The following C4orf54 variants were observed in gnomAD, a reference collection of about 807,000 sequenced individuals.
C4orf54 encodes chromosome 4 open reading frame 54.
In C4orf54, 67 loss-of-function variants were observed where a neutral mutation model predicts 80.1. The ratio of observed to expected loss-of-function variants is 0.84; its 90% CI spans 0.69 to 1.03. The LOEUF (loss-of-function observed/expected upper bound fraction) is 1.03, where lower values mean the gene tolerates loss of function less well. C4orf54 is among the 50% of genes least tolerant of loss of function. The probability of loss-of-function intolerance (pLI) is 0.00; values close to 1 mark genes in which losing one functional copy is unlikely to be tolerated. For synonymous variants in C4orf54, 1,000 were observed against 917.0 expected, an observed-to-expected ratio of 1.09 and a Z score of -1.64; for missense variants, 2,434 against 2,253.5, an observed-to-expected ratio of 1.08 and a Z score of -1.62.
At chr4:99,643,389 G>C (rs1352382660) in intron 2 of C4orf54, among the ~76,000 whole-genome samples, 1 of 152,042 alleles carries the variant, frequency 6.6e-6, no homozygotes, top group Non-Finnish European at 1.5e-5. Flanking sequence ...TCTGAGTTGG[G>C]GTTGCCTGAC....
chr4:99,651,845 A>G lies in C4orf54; in HGVS notation c.2804T>C (p.Ile935Thr). 1 of 1,536,092 alleles carries G rather than the reference A, an allele frequency of 6.5e-7. No individual in the cohort carries two copies. The highest frequency in any genetic ancestry group is 1.2e-5 in the South Asian group (1 of 84,062). ...KKSASETVKG[I>T]FLRSQNSAFR... is the part of the protein sequence containing the mutation. ...CGCACTGTTCTGACTACGGAGGAAG[A>G]TGCCCTTGACGGTCTCTGAGGCACT... The change falls in exon 2 of 3, where the codon ATC becomes ACC. Residue 935 changes from isoleucine to threonine, a missense_variant. Ile to Thr is a moderately conservative substitution (Grantham distance 89). Coordinates refer to ENST00000511828, the MANE Select transcript of C4orf54 (RefSeq NM_001354435.2).
intron 2 of C4orf54, among the ~76,000 whole-genome samples, chr4:99,643,120 G>T (rs1471769234): frequency 6.6e-6 from 1 of 152,160 alleles, no homozygotes; most frequent in South Asian, 2.1e-4. Flanking sequence ...CTGGTGAGGG[G>T]CCCTGAGAAG....
At position 99,651,016 on chromosome 4, in the gene C4orf54, G is replaced by C. The variant is rs763827970; in HGVS notation, c.3633C>G (p.Pro1211=). ...LPVATIAPNK[P]EQGSYLPVLK... is the part of the protein sequence containing the mutation. ...GCACAGGCAGGTATGAGCCCTGCTC[G>C]GGCTTATTGGGGGCAATGGTAGCCA... Residue 1211 remains proline (P), a synonymous_variant, in exon 2 of 3, where the codon CCC becomes CCG. Transcript: ENST00000511828. 9 of 1,536,056 alleles carry C rather than the reference G, an allele frequency of 5.9e-6. No individual in the cohort carries two copies. Among genetic ancestry groups the C allele is most frequent in the African/African-American group, 1.4e-5 (1 of 73,152 alleles).
chr4:99,654,507 C>T lies in C4orf54; in HGVS notation c.142G>A (p.Ala48Thr). 1.4e-6 allele frequency: 1 copy of T among 703,724 alleles called. No individual in the cohort carries two copies. The highest frequency in any genetic ancestry group is 2.6e-6 in the Non-Finnish European group (1 of 385,614). The allele number at this position is 703,724 out of a possible 1,614,324, so 43.6% of individuals were successfully genotyped here. ...GCTGCTGCTCCGGCCGAGACTGTGG[C>T]CAGTGTTCTGTAGCTGAGCTGTCCT... ...WTGQLSYRTL[A>T]TVSAGAAAPQ... Residue 48 changes from alanine to threonine, a missense_variant, in exon 2 of 3, where the codon GCC becomes ACC. By Grantham distance (58) the Ala-to-Thr change is moderately conservative. Transcript: ENST00000511828.
chr4:99,651,871 CTT>C lies in C4orf54; in HGVS notation c.2776_2777del (p.Lys926GlufsTer13), dbSNP rs1372518862. On this transcript the variant is annotated frameshift_variant, in exon 2 of 3. Transcript: ENST00000511828. LOFTEE classifies it high-confidence loss of function. ...TGCCCTTGACGGTCTCTGAGGCACT[CTT>C]TTTAATTTCACACACTTCTGTGTGT... Reference protein sequence around the residue: ...DGHTEVCEIKKSASETVKGIF... With the variant: ...DGHTEVCEIKXSASETVKGIF... 5 of 1,535,996 alleles carry C rather than the reference CTT, an allele frequency of 3.3e-6. No homozygotes were observed. The East Asian group carries it at 7.3e-5, about 23-fold the overall frequency.
chr4:99,649,246 C>T lies in C4orf54; in HGVS notation c.*21G>A, dbSNP rs80025411. On this transcript the variant is annotated 3_prime_UTR_variant, in exon 2 of 3. Transcript: ENST00000511828. ...ATTCACTTACCAGCAGTTTTTCATT[C>T]CGCTTCCTGGTGGCTGCTCATCATC... 73,009 of 1,474,736 alleles carry T rather than the reference C, an allele frequency of 0.05. 2,022 individuals are homozygous for T. Among genetic ancestry groups the T allele is most frequent in the Non-Finnish European group, 0.056 (62,141 of 1,116,210 alleles). 91.4% of individuals were successfully genotyped at this position (1,474,736 alleles called of 1,614,324 possible).
rs1324144198 is a variant in C4orf54, at chr4:99,639,961, A to T, written c.*1272T>A. On this transcript the variant is annotated 3_prime_UTR_variant, in exon 3 of 3. Transcript: ENST00000511828. ...AATAAAAGGAGATTCTTAAAAAAAA[A>T]TCCTGGGAAAACCTTCAAATTATTC... 6.6e-6 allele frequency: 1 copy of T among 151,930 alleles called. No homozygotes were observed. The highest frequency in any genetic ancestry group is 1.9e-4 in the East Asian group (1 of 5,200). The allele number at this position is 151,930 out of a possible 1,614,324, so 9.4% of individuals were successfully genotyped here. A position where few individuals can be genotyped will look rare whatever the true frequency, so the allele number is the denominator to read the frequency against.
chr4:99,656,080 G>A (rs542065033), intron 1 of C4orf54, among the ~76,000 whole-genome samples: 2 of 152,134 alleles, frequency 1.3e-5, no homozygotes, highest in Non-Finnish European at 2.9e-5. Flanking sequence ...GCCATTAAAA[G>A]TATGACTTAA....
At position 99,653,733 on chromosome 4, in the gene C4orf54, C is replaced by T. The variant is rs186499567; in HGVS notation, c.916G>A (p.Glu306Lys). 5.9e-6 allele frequency: 9 copies of T among 1,535,216 alleles called. No individual in the cohort carries two copies. The highest frequency in any genetic ancestry group is 3.3e-4 in the Middle Eastern group (2 of 5,990). The change falls in exon 2 of 3, where the codon GAG (glutamate) becomes AAG (lysine). Residue 306 changes from glutamate (E) to lysine (K), a missense_variant. Physicochemically the swap from Glu to Lys is moderately conservative, Grantham distance 56 (BLOSUM62 1). Coordinates refer to ENST00000511828, the MANE Select transcript of C4orf54 (RefSeq NM_001354435.2). ...LATSSSSLGF[E>K]SESGESEGCQ... Reference sequence around the variant, plus strand: ...CCTTCACTTTCACCACTCTCACTCTCGAAGCCTAAGGATGAAGAGGAGGTG... The same window carrying T: ...CCTTCACTTTCACCACTCTCACTCTTGAAGCCTAAGGATGAAGAGGAGGTG...
Position 99,652,688 on chromosome 4 carries a change from G to A in C4orf54, c.1961C>T (p.Ser654Phe), listed in dbSNP as rs1332583243. ...ISSRESSTTLSEVGFGRWSTF... is the reference protein window; with the variant it reads ...ISSRESSTTLFEVGFGRWSTF... ...TGACCAGCGCCCAAAGCCCACTTCG[G>A]AGAGCGTGGTGGAGGACTCCCGGGA... is the stretch of plus-strand genomic sequence containing the variant. The change falls in exon 2 of 3, where the codon TCC becomes TTC. Residue 654 changes from serine to phenylalanine, a missense_variant. Transcript: ENST00000511828. The A allele has an allele frequency of 3.9e-6, 6 of 1,536,108 alleles. No homozygotes were observed. The highest frequency in any genetic ancestry group is 5.2e-6 in the Non-Finnish European group (6 of 1,146,906).
Position 99,649,426 on chromosome 4 carries a change from T to C in C4orf54, c.5223A>G (p.Ser1741=). 6.5e-7 allele frequency: 1 copy of C among 1,536,020 alleles called. No homozygotes were observed. Among genetic ancestry groups the C allele is most frequent in the Non-Finnish European group, 8.7e-7 (1 of 1,146,882 alleles). ...GGAGCTGGGATGTGGCTGCTGGGGC[T>C]GAGGAGGTTGAGGAGGCCGGAGACT... ...SGQSPASSTS[S]APAATSQLLG... is the part of the protein sequence containing the mutation. The change falls in exon 2 of 3, where the codon TCA becomes TCG. Residue 1741 remains serine, a synonymous_variant. Coordinates refer to ENST00000511828, the MANE Select transcript of C4orf54 (RefSeq NM_001354435.2).
rs772857804 is a variant in C4orf54, at chr4:99,651,483, C to T, written c.3166G>A (p.Gly1056Ser). Reference protein sequence around the residue: ...AKLLTPKLAGGSASNLFKTIE... With the variant: ...AKLLTPKLAGSSASNLFKTIE... ...GTCTTGAACAGGTTAGAGGCGCTGC[C>T]ACCGGCCAGCTTGGGCGTGAGCAAC... The change falls in exon 2 of 3, where the codon GGC becomes AGC. Residue 1056 changes from glycine to serine, a missense_variant. Gly to Ser is a moderately conservative substitution (Grantham distance 56, BLOSUM62 0). Transcript: ENST00000511828. The T allele has an allele frequency of 6.4e-5, 98 of 1,536,116 alleles. No homozygotes were observed. Among genetic ancestry groups the T allele is most frequent in the Middle Eastern group, 5.0e-4 (3 of 6,012 alleles).
At chr4:99,655,730 C>T (rs748090006) in intron 1 of C4orf54, among the ~76,000 whole-genome samples, 17 of 152,186 alleles carry the variant, frequency 1.1e-4, no homozygotes, top group Non-Finnish European at 2.5e-4. Flanking sequence ...TGGGTACTAT[C>T]GGTGGAGAAC....
rs374840223 is a variant in C4orf54, at chr4:99,637,104, G to C, written c.*4129C>G. The stretch of plus-strand genomic sequence containing the variant: ...AAAAGCATCACCTGCTATGGATACA[G>C]GTATGGTAGATTATTCAGGGAGCCC... On this transcript the variant is annotated 3_prime_UTR_variant, in exon 3 of 3. Coordinates refer to ENST00000511828, the MANE Select transcript of C4orf54 (RefSeq NM_001354435.2). 7.0e-4 allele frequency: 106 copies of C among 152,166 alleles called. No individual in the cohort carries two copies. The highest frequency in any genetic ancestry group is 2.3e-3 in the African/African-American group (96 of 41,520). The allele number at this position is 152,166 out of a possible 1,614,324, so 9.4% of individuals were successfully genotyped here. A position where few individuals can be genotyped will look rare whatever the true frequency, so the allele number is the denominator to read the frequency against.
At position 99,657,478 on chromosome 4, in the gene C4orf54, C is replaced by T. The variant is rs949531632; in HGVS notation, c.-32+17G>A. Among the ~76,000 whole-genome samples, 2 of 152,340 alleles carry T rather than the reference C, an allele frequency of 1.3e-5. No homozygotes were observed. Among genetic ancestry groups the T allele is most frequent in the African/African-American group, 4.8e-5 (2 of 41,586 alleles). ...CAAGAGGCAAAGAGAGAGCATCATT[C>T]TGACAGTAGTACTTACCTCCAAAGT... On this transcript the variant is annotated intron_variant, in intron 1 of 2. Transcript: ENST00000511828.
At chr4:99,648,245 G>A (rs765190734) in intron 2 of C4orf54, among the ~76,000 whole-genome samples, 6 of 151,910 alleles carry the variant, frequency 3.9e-5, no homozygotes, top group African/African-American at 7.3e-5. Flanking sequence ...GAAGTGTCCC[G>A]GTTTGAACAA....
In C4orf54 at chr4:99,650,258, T is replaced by C; in HGVS notation, c.4391A>G (p.Asn1464Ser). ...RKSGSNLEKS[N>S]SDCENYLTIP... is the part of the protein sequence containing the mutation. ...GGTCAGGTAATTCTCACAGTCACTG[T>C]TGCTCTTCTCCAAATTGCTGCCACT... The change falls in exon 2 of 3, where the codon AAC becomes AGC. Residue 1464 changes from asparagine to serine, a missense_variant. Transcript: ENST00000511828. 1 of 1,536,118 alleles carries C rather than the reference T, an allele frequency of 6.5e-7. No individual in the cohort carries two copies. Among genetic ancestry groups the C allele is most frequent in the East Asian group, 2.4e-5 (1 of 40,906 alleles).
In C4orf54 at chr4:99,654,285, G is replaced by A. The variant is rs1028005205; in HGVS notation, c.364C>T (p.Arg122Trp). Reference sequence around the variant, plus strand: ...TGATCGCTGGGGAAGTCTTGGGTCCGTCTCTGGCCCCGGAGGGGCTGCAGA... The same window carrying A: ...TGATCGCTGGGGAAGTCTTGGGTCCATCTCTGGCCCCGGAGGGGCTGCAGA... Reference protein sequence around the residue: ...ATLQPLRGQRRTQDFPSDHHC... With the variant: ...ATLQPLRGQRWTQDFPSDHHC... Residue 122 changes from arginine to tryptophan, a missense_variant, in exon 2 of 3, where the codon CGG (arginine) becomes TGG (tryptophan). Physicochemically the swap from Arg to Trp is moderately radical, Grantham distance 101. Transcript: ENST00000511828. The A allele has an allele frequency of 5.0e-5, 77 of 1,534,030 alleles. No individual in the cohort carries two copies. The highest frequency in any genetic ancestry group is 2.4e-4 in the East Asian group (10 of 40,910).
In C4orf54 at chr4:99,650,719, G is replaced by C; in HGVS notation, c.3930C>G (p.Asp1310Glu). Residue 1310 changes from aspartate to glutamate, a missense_variant, in exon 2 of 3, where the codon GAC becomes GAG. By Grantham distance (45) the Asp-to-Glu change is conservative (BLOSUM62 2). Transcript: ENST00000511828. The stretch of plus-strand genomic sequence containing the variant: ...CCTCACCCAGCCGTTTGGACAGCTT[G>C]TCGTGGTCTCCATCAGCAACCACTA... ...EGVVVADGDH[D>E]KLSKRLGEVE... 1 of 1,536,130 alleles carries C rather than the reference G, an allele frequency of 6.5e-7. No individual in the cohort carries two copies. The highest frequency in any genetic ancestry group is 8.7e-7 in the Non-Finnish European group (1 of 1,146,906).
Sources: allele counts gnomAD v4.1 joint callset (sites outside exome capture counted in the v4.1 genomes callset), GRCh38; gene constraint gnomAD v4.1.1; transcripts MANE v1.5; gene names NCBI Gene and HGNC (gene_info 2026-07-23, HGNC 2026-07-21).